Variants in TMED8 observed in about 807,000 individuals in gnomAD.
The protein encoded by TMED8 is protein TMED8.
TMED8 carries 15 observed loss-of-function variants against 32.7 expected under a neutral mutation model. The ratio of observed to expected loss-of-function variants is 0.46; its 90% CI spans 0.31 to 0.71. The LOEUF is 0.71. Among genes scored for constraint, TMED8 ranks in the 30% least tolerant of loss-of-function variants. The pLI is 0.06. For synonymous variants in TMED8, 147 were observed against 161.4 expected, an observed-to-expected ratio of 0.91 and a Z score of 0.68; for missense variants, 390 against 423.9, an observed-to-expected ratio of 0.92 and a Z score of 0.70.
chr14:77,368,563 C>T (rs148377108), intron 1 of TMED8, among the ~76,000 whole-genome samples: 149 of 152,224 alleles, frequency 9.8e-4, no homozygotes, highest in African/African-American at 3.5e-3. Context: ...CTGCAACCTC[C>T]GCCTCCTGGG....
chr14:77,346,341 C>T lies in TMED8; in HGVS notation c.327+8G>A. ...TTTCATAAGAAAGAGCCAGAATCTG[C>T]CCCCTACCTCATTGAGGACCTGGGC... is the stretch of plus-strand genomic sequence containing the variant. On this transcript the variant is annotated splice_region_variant and intron_variant, in intron 3 of 5. Coordinates refer to ENST00000216468, the MANE Select transcript of TMED8 (RefSeq NM_213601.3). The T allele has an allele frequency of 6.2e-7, 1 of 1,613,766 alleles. No individual in the cohort carries two copies. The highest frequency in any genetic ancestry group is 8.5e-7 in the Non-Finnish European group (1 of 1,179,830).
intron 1 of TMED8, among the ~76,000 whole-genome samples, chr14:77,373,303 A>G (rs1378376178): frequency 7.4e-6 from 1 of 135,562 alleles, no homozygotes; most frequent in Admixed American, 7.8e-5. Context: ...CTTTAAACTT[A>G]AAAAAAAAAC....
chr14:77,350,387 G>A (rs1442857353), intron 2 of TMED8, among the ~76,000 whole-genome samples: 2 of 152,174 alleles, frequency 1.3e-5, no homozygotes, highest in African/African-American at 2.4e-5. Flanking sequence ...ACCTAGAACA[G>A]TATCAGGTAC....
chr14:77,348,561 C>A (rs1407447525), intron 2 of TMED8, among the ~76,000 whole-genome samples: 1 of 152,064 alleles, frequency 6.6e-6, no homozygotes, highest in Non-Finnish European at 1.5e-5. Flanking sequence ...ATAGATATAA[C>A]CCACACAAAC....
At chr14:77,371,444 A>G (rs574143875) in intron 1 of TMED8, among the ~76,000 whole-genome samples, 15 of 152,338 alleles carry the variant, frequency 9.8e-5, no homozygotes, top group Admixed American at 2.0e-4. Context: ...TGTATACTGG[A>G]AAAAAATATG....
chr14:77,372,420 T>C (rs7144883), intron 1 of TMED8, among the ~76,000 whole-genome samples: 3,880 of 152,226 alleles, frequency 0.025, 180 homozygotes, highest in African/African-American at 0.089. Context: ...CCTCAGAGGA[T>C]TTCCCCCTCA....
chr14:77,366,024 C>T (rs1402574603), intron 1 of TMED8, among the ~76,000 whole-genome samples: 2 of 152,182 alleles, frequency 1.3e-5, no homozygotes, highest in Non-Finnish European at 2.9e-5. Flanking sequence ...TGGCTCCTAG[C>T]AACACTTATT....
Position 77,341,616 on chromosome 14 carries a change from A to G in TMED8, c.*155T>C. ...CACCTGCAGAAGCCAAGAAGGGGAA[A>G]AAGCTACGTGGGCCAACAGTCAGGC... On this transcript the variant is annotated 3_prime_UTR_variant, in exon 6 of 6. Coordinates refer to ENST00000216468, the MANE Select transcript of TMED8 (RefSeq NM_213601.3). 4 of 698,784 alleles carry G rather than the reference A, an allele frequency of 5.7e-6. No individual in the cohort carries two copies. 43.3% of individuals were successfully genotyped at this position (698,784 alleles called of 1,614,324 possible).
chr14:77,352,048 C>A (rs950861924), intron 1 of TMED8, among the ~76,000 whole-genome samples: 4 of 152,088 alleles, frequency 2.6e-5, no homozygotes, highest in African/African-American at 9.7e-5. Context: ...ACCTATAATC[C>A]CAACACTTTG....
Position 77,376,742 on chromosome 14 carries a change from T to C in TMED8, c.118+194A>G. 1 of 353,336 alleles carries C rather than the reference T, an allele frequency of 2.8e-6. No individual in the cohort carries two copies. The allele number at this position is 353,336 out of a possible 1,614,324, so 21.9% of individuals were successfully genotyped here. A position where few individuals can be genotyped will look rare whatever the true frequency, so the allele number is the denominator to read the frequency against. ...GAATCAAGGCATTTCGAAACAGGAGTGAGTAGAAAATAACCTCGAGCCCAG... is the reference window on the plus strand; with the variant it reads ...GAATCAAGGCATTTCGAAACAGGAGCGAGTAGAAAATAACCTCGAGCCCAG... On this transcript the variant is annotated intron_variant, in intron 1 of 5. Transcript: ENST00000216468. The surrounding 1 kb of genome is among the most constrained non-coding windows in gnomAD (Gnocchi z 4.0).
chr14:77,358,952 G>A (rs1022341291), intron 1 of TMED8, among the ~76,000 whole-genome samples: 2 of 152,100 alleles, frequency 1.3e-5, no homozygotes, highest in Non-Finnish European at 2.9e-5. Flanking sequence ...GTGTGACCCA[G>A]GCTGGAGTAC....
chr14:77,348,217 TCA>T (rs1407370077), intron 2 of TMED8, among the ~76,000 whole-genome samples: 1 of 132,892 alleles, frequency 7.5e-6, no homozygotes, highest in East Asian at 2.4e-4. Context: ...TTCTAATTTT[TCA>T]GTTTTAATTT....
At position 77,338,863 on chromosome 14, in the gene TMED8, T is replaced by C. The variant is rs1892825817; in HGVS notation, c.*2908A>G. 6.6e-6 allele frequency: 1 copy of C among 152,236 alleles called. No homozygotes were observed. The highest frequency in any genetic ancestry group is 2.4e-5 in the African/African-American group (1 of 41,462). 9.4% of individuals were successfully genotyped at this position (152,236 alleles called of 1,614,324 possible). ...AATCAATACTTTAAATATGTCTTCC[T>C]TTCTAAAAGGCCCATCTCTCAACAA... On this transcript the variant is annotated 3_prime_UTR_variant, in exon 6 of 6. Coordinates refer to ENST00000216468, the MANE Select transcript of TMED8 (RefSeq NM_213601.3).
chr14:77,352,956 C>T (rs1893212687), intron 1 of TMED8, among the ~76,000 whole-genome samples: 1 of 152,056 alleles, frequency 6.6e-6, no homozygotes, highest in African/African-American at 2.4e-5. Context: ...CACTCATTTA[C>T]CAATGATTTA....
rs1893838931 is a variant in TMED8, at chr14:77,377,059, G to A, written c.-6C>T. 7.4e-7 allele frequency: 1 copy of A among 1,356,002 alleles called. No homozygotes were observed. The highest frequency in any genetic ancestry group is 9.5e-7 in the Non-Finnish European group (1 of 1,057,838). The allele number at this position is 1,356,002 out of a possible 1,614,324, so 84.0% of individuals were successfully genotyped here. On this transcript the variant is annotated 5_prime_UTR_variant, in exon 1 of 6. Coordinates refer to ENST00000216468, the MANE Select transcript of TMED8 (RefSeq NM_213601.3). ...GCCGCCTGCAGGTCAGACATCTGCA[G>A]CCCGCGCACGGAGCTCTCCGCTGCC...
intron 5 of TMED8, among the ~76,000 whole-genome samples, chr14:77,342,575 G>A (rs549950984): frequency 1.4e-4 from 22 of 152,276 alleles, no homozygotes; most frequent in African/African-American, 5.1e-4. Flanking sequence ...AGGAATAAGA[G>A]GAATAAGACT....
intron 2 of TMED8, among the ~76,000 whole-genome samples, chr14:77,348,368 G>T (rs1171839373): frequency 6.6e-6 from 1 of 151,872 alleles, no homozygotes; most frequent in Non-Finnish European, 1.5e-5. Flanking sequence ...GACTACAGGC[G>T]CCGGCCACCA....
intron 3 of TMED8, 146 bp from the exon 4 acceptor site, chr14:77,343,969 TCTTCC>T: frequency 5.2e-6 from 4 of 765,106 alleles, no homozygotes; most frequent in Non-Finnish European, 7.6e-6. Context: ...TCCTTCTCTT[TCTTCC>T]AAATAGAAGT....
At chr14:77,358,364 C>T (rs914828942) in intron 1 of TMED8, among the ~76,000 whole-genome samples, 2 of 151,528 alleles carry the variant, frequency 1.3e-5, no homozygotes, top group African/African-American at 4.9e-5. Context: ...TGCAGTGGCG[C>T]AATCTCTGCT....
Sources: gnomAD v4.1 joint callset for allele counts (sites outside exome capture counted in the v4.1 genomes callset) on GRCh38, gnomAD v4.1.1 for gene constraint, Gnocchi (gnomAD v3.1) non-coding constraint, MANE v1.5 for transcripts, NCBI Gene and HGNC (gene_info 2026-07-23, HGNC 2026-07-21) for gene names.